RXFP1: variants seen among roughly 807,000 people sequenced by gnomAD.
RXFP1 encodes the protein relaxin receptor 1.
In RXFP1, 73 loss-of-function variants were observed where a neutral mutation model predicts 89.8. That is an observed-to-expected ratio of 0.81 (90% CI 0.67 to 0.99). RXFP1 has a LOEUF of 0.99. RXFP1 is among the 50% of genes least tolerant of loss of function. The pLI is 0.00. For missense variants in RXFP1, 793 were observed against 895.5 expected (o/e 0.89, Z 1.46); for synonymous variants, 277 against 305.5 (o/e 0.91, Z 0.97).
chr4:158,637,965 T>C (rs763235690), intron 12 of RXFP1, 43 bp from the exon 13 acceptor site: 1 of 1,178,388 alleles, frequency 8.5e-7, no homozygotes, highest in Admixed American at 1.7e-5. Context: ...TTTACTCATG[T>C]AGTTTTTAGA....
At chr4:158,631,960 G>A (rs1458466304) in intron 11 of RXFP1, among the ~76,000 whole-genome samples, 1 of 152,144 alleles carries the variant, frequency 6.6e-6, no homozygotes, top group Non-Finnish European at 1.5e-5. Context: ...GGGCATGGTG[G>A]CATATGGCTG....
rs527637514 is a variant in RXFP1, at chr4:158,581,383, T to C, written c.187+8548T>C. On this transcript the variant is annotated intron_variant, in intron 2 of 17. Transcript: ENST00000307765. ...CATACCAAATGCTTGGCTTGTTCTGTTTTGTTTTTGTTTGGGAGGAAAGAA... is the reference window on the plus strand; with the variant it reads ...CATACCAAATGCTTGGCTTGTTCTGCTTTGTTTTTGTTTGGGAGGAAAGAA... Among the ~76,000 whole-genome samples, 4 of 152,298 alleles carry C rather than the reference T, an allele frequency of 2.6e-5. No individual in the cohort carries two copies. In the South Asian group the frequency reaches 6.2e-4, roughly 24 times the overall value.
Position 158,651,987 on chromosome 4 carries a change from G to A in RXFP1, c.2206G>A (p.Asp736Asn), listed in dbSNP as rs775164262. 1.3e-5 allele frequency: 21 copies of A among 1,613,946 alleles called. No individual in the cohort carries two copies. The highest frequency in any genetic ancestry group is 1.8e-5 in the Non-Finnish European group (21 of 1,180,014). ...QEMPPELMKP[D>N]LFTYPCEMSL... ...GATGCCACCTGAGTTAATGAAGCCGGACCTTTTCACATACCCCTGTGAAAT... is the reference window on the plus strand; with the variant it reads ...GATGCCACCTGAGTTAATGAAGCCGAACCTTTTCACATACCCCTGTGAAAT... The change falls in exon 18 of 18, where the codon GAC (aspartate) becomes AAC (asparagine). Residue 736 changes from aspartate to asparagine, a missense_variant. By Grantham distance (23) the Asp-to-Asn change is conservative (BLOSUM62 1). Coordinates refer to ENST00000307765, the MANE Select transcript of RXFP1 (RefSeq NM_021634.4).
chr4:158,544,699 T>A (rs1407954971), intron 1 of RXFP1, among the ~76,000 whole-genome samples: 1 of 152,090 alleles, frequency 6.6e-6, no homozygotes, highest in Admixed American at 6.6e-5. Context: ...CATGAGGTGT[T>A]TGGTTTTTTG....
chr4:158,548,001 T>G (rs1748979798), intron 1 of RXFP1, among the ~76,000 whole-genome samples: 1 of 152,214 alleles, frequency 6.6e-6, no homozygotes, highest in Non-Finnish European at 1.5e-5. Flanking sequence ...TTCCTGGGTA[T>G]CCTTGTTAAC....
At chr4:158,537,981 A>G (rs928279357) in intron 1 of RXFP1, among the ~76,000 whole-genome samples, 1 of 152,198 alleles carries the variant, frequency 6.6e-6, no homozygotes, top group African/African-American at 2.4e-5. Flanking sequence ...CTGAGGAAAG[A>G]ACAATGCAGG....
chr4:158,574,390 C>T, intron 2 of RXFP1, among the ~76,000 whole-genome samples: 1 of 152,154 alleles, frequency 6.6e-6, no homozygotes, highest in Non-Finnish European at 1.5e-5. Flanking sequence ...AATCCTCCTA[C>T]TTGAAAAAAA....
At chr4:158,620,730 A>T (rs1765467143) in intron 9 of RXFP1, among the ~76,000 whole-genome samples, 1 of 152,244 alleles carries the variant, frequency 6.6e-6, no homozygotes, top group Admixed American at 6.5e-5. Flanking sequence ...AAAATATGTG[A>T]TAATCTTAAA....
intron 8 of RXFP1, among the ~76,000 whole-genome samples, chr4:158,615,156 C>T (rs943974145): frequency 6.6e-6 from 1 of 152,026 alleles, no homozygotes; most frequent in Non-Finnish European, 1.5e-5. Context: ...TGTTGTGTTT[C>T]AGGGAATAAA....
chr4:158,577,361 A>T (rs1043303657), intron 2 of RXFP1, among the ~76,000 whole-genome samples: 13 of 152,148 alleles, frequency 8.5e-5, no homozygotes, highest in African/African-American at 2.2e-4. Flanking sequence ...TAAAACATCC[A>T]TATGTAAATT....
At chr4:158,599,841 AAG>A (rs1561098767) in intron 4 of RXFP1, among the ~76,000 whole-genome samples, 3 of 152,234 alleles carry the variant, frequency 2.0e-5, no homozygotes, top group Non-Finnish European at 4.4e-5. Flanking sequence ...TCTGATGTGT[AAG>A]TTAAAAAAGA....
chr4:158,651,103 G>A (rs900600934), intron 17 of RXFP1, among the ~76,000 whole-genome samples: 3 of 152,132 alleles, frequency 2.0e-5, no homozygotes, highest in Admixed American at 1.3e-4. Context: ...CAGCCTGAGC[G>A]ACAGCATGAG....
intron 2 of RXFP1, among the ~76,000 whole-genome samples, chr4:158,588,956 G>C (rs952374372): frequency 1.3e-5 from 2 of 152,230 alleles, no homozygotes; most frequent in Admixed American, 1.3e-4. Flanking sequence ...CACTGTATTA[G>C]TCCGCTCTCA....
At chr4:158,602,180 A>T (rs1162197823) in intron 4 of RXFP1, among the ~76,000 whole-genome samples, 2 of 152,196 alleles carry the variant, frequency 1.3e-5, no homozygotes, top group Non-Finnish European at 2.9e-5. Flanking sequence ...TCCCAATAGG[A>T]TATTGTGAAA....
At chr4:158,583,567 G>A (rs995762626) in intron 2 of RXFP1, among the ~76,000 whole-genome samples, 1 of 152,176 alleles carries the variant, frequency 6.6e-6, no homozygotes, top group Non-Finnish European at 1.5e-5. Context: ...ATAAATATGT[G>A]TATTAATGCA....
At chr4:158,617,341 G>A in intron 9 of RXFP1, 136 bp downstream of exon 9, 3 of 519,080 alleles carry the variant, frequency 5.8e-6, no homozygotes, top group Non-Finnish European at 6.6e-6. Flanking sequence ...TCCTCAAACT[G>A]CTTTAACATG....
intron 1 of RXFP1, among the ~76,000 whole-genome samples, chr4:158,538,818 A>G (rs985170376): frequency 3.3e-5 from 5 of 152,098 alleles, no homozygotes; most frequent in African/African-American, 7.2e-5. Flanking sequence ...AAAAAAAAAA[A>G]AAAAGAATAG....
chr4:158,542,337 G>A lies in RXFP1; in HGVS notation c.49+20312G>A, dbSNP rs553323880. On this transcript the variant is annotated intron_variant, in intron 1 of 17. Coordinates refer to ENST00000307765, the MANE Select transcript of RXFP1 (RefSeq NM_021634.4). ...TTTTATCAGGAAACAATGACATTGT[G>A]AGATTTGAAGAATATGGACAAGTTG... is the stretch of plus-strand genomic sequence containing the variant. Among the ~76,000 whole-genome samples the A allele has an allele frequency of 1.3e-4, 20 of 151,752 alleles. No homozygotes were observed. The South Asian group carries it at 4.2e-3, about 32-fold the overall frequency.
intron 8 of RXFP1, among the ~76,000 whole-genome samples, chr4:158,616,910 A>T (rs1044748825): frequency 7.2e-5 from 11 of 151,748 alleles, no homozygotes; most frequent in African/African-American, 2.4e-4. Context: ...GAGGCAGGAA[A>T]ATCACTTGAA....
Sources: allele counts gnomAD v4.1 joint callset (sites outside exome capture counted in the v4.1 genomes callset), GRCh38; gene constraint gnomAD v4.1.1; transcripts MANE v1.5; gene names NCBI Gene and HGNC (gene_info 2026-07-23, HGNC 2026-07-21).